The following SCN1A variants were observed in gnomAD, a reference collection of about 807,000 sequenced individuals.
The protein encoded by SCN1A is sodium channel protein type 1 subunit alpha.
In SCN1A, 13 loss-of-function variants were observed where a neutral mutation model predicts 193.7. The ratio of observed to expected loss-of-function variants is 0.07; its 90% CI spans 0.04 to 0.11. SCN1A has a LOEUF of 0.11. SCN1A is among the 10% of genes least tolerant of loss of function. The pLI, the probability that SCN1A is intolerant of heterozygous loss-of-function variation, is 1.00. For synonymous variants in SCN1A, 781 were observed against 843.6 expected (o/e 0.93, Z 1.29); for missense variants, 1,432 against 2,451.1 (o/e 0.58, Z 8.78).
chr2:166,043,598 G>T (rs1050489038), intron 14 of SCN1A, 71 bp downstream of exon 14: 1 of 1,510,448 alleles, frequency 6.6e-7, no homozygotes, highest in East Asian at 2.4e-5. Context: ...CAAGGTTGCC[G>T]TTCTGTAGAA....
chr2:166,137,102 T>A lies in SCN1A; in HGVS notation c.-50+11945A>T, dbSNP rs114666202. Reference sequence around the variant, plus strand: ...CCAGTGCTCCTGCTAGTAGCCCTTCTTCCAGGGCTCCAGCATTTGTTGGGC... The same window carrying A: ...CCAGTGCTCCTGCTAGTAGCCCTTCATCCAGGGCTCCAGCATTTGTTGGGC... On this transcript the variant is annotated intron_variant, in intron 1 of 26. Transcript: ENST00000635750. Among the ~76,000 whole-genome samples, 532 of 152,336 alleles carry A rather than the reference T, an allele frequency of 3.5e-3. 4 individuals carry two copies. The highest frequency in any genetic ancestry group is 0.012 in the African/African-American group (512 of 41,570).
chr2:166,117,377 A>G (rs1177575532), intron 2 of SCN1A, among the ~76,000 whole-genome samples: 1 of 152,218 alleles, frequency 6.6e-6, no homozygotes, highest in Non-Finnish European at 1.5e-5. Flanking sequence ...GGTATAGATT[A>G]AATAAAATTA....
At chr2:166,123,538 G>T (rs868365739) in intron 2 of SCN1A, 1 of 152,110 alleles carries the variant, frequency 6.6e-6, no homozygotes, top group Non-Finnish European at 1.5e-5. Context: ...CGTAGAACAA[G>T]GAGTTTGATC....
At chr2:166,098,517 G>A (rs975450189) in intron 2 of SCN1A, among the ~76,000 whole-genome samples, 2 of 152,052 alleles carry the variant, frequency 1.3e-5, no homozygotes, top group African/African-American at 4.8e-5. Flanking sequence ...CAACCAGGCA[G>A]GAGAAAGAAA....
chr2:166,112,367 C>T (rs35894186), intron 2 of SCN1A, among the ~76,000 whole-genome samples: 12,000 of 152,156 alleles, frequency 0.079, 550 homozygotes, highest in Middle Eastern at 0.21. Context: ...AGCAATAAAG[C>T]ATTTTTAAAT....
upstream of SCN1A, among the ~76,000 whole-genome samples, chr2:166,131,508 T>C (rs750211426): frequency 1.3e-5 from 2 of 152,090 alleles, no homozygotes; most frequent in African/African-American, 2.4e-5. Flanking sequence ...TCTCTGTCAA[T>C]AGATTTTGGG....
chr2:166,009,057 A>G (rs1692050468), intron 23 of SCN1A, among the ~76,000 whole-genome samples: 1 of 151,042 alleles, frequency 6.6e-6, no homozygotes. Flanking sequence ...GTTAATGTAT[A>G]AATTACCTAT....
At chr2:166,005,340 T>C (rs995316332) in intron 23 of SCN1A, among the ~76,000 whole-genome samples, 8 of 151,336 alleles carry the variant, frequency 5.3e-5, no homozygotes, top group African/African-American at 1.7e-4. Context: ...GAATATGGGA[T>C]GAGAATAATT....
At chr2:166,026,986 A>G (rs1470981143) in intron 19 of SCN1A, 2 of 152,162 alleles carry the variant, frequency 1.3e-5, no homozygotes, top group African/African-American at 4.8e-5. Context: ...TAAACCATGA[A>G]TCAACCTTAA....
chr2:166,069,609 C>T (rs1165255241), intron 4 of SCN1A, among the ~76,000 whole-genome samples: 1 of 152,156 alleles, frequency 6.6e-6, no homozygotes, highest in Non-Finnish European at 1.5e-5. Context: ...CTTGCATGTA[C>T]ACTACTGCAC....
intron 13 of SCN1A, 79 bp from the exon 14 acceptor site, chr2:166,044,128 TAGA>T (rs1255564839): frequency 3.4e-6 from 5 of 1,487,462 alleles, no homozygotes; most frequent in South Asian, 1.2e-5. Flanking sequence ...CAAGATTATG[TAGA>T]AGGAGATTTC....
chr2:166,108,062 C>T (rs1688884097), intron 2 of SCN1A, among the ~76,000 whole-genome samples: 1 of 151,916 alleles, frequency 6.6e-6, no homozygotes, highest in African/African-American at 2.4e-5. Context: ...GCGATTGTAT[C>T]TGGCATATAT....
upstream of SCN1A, among the ~76,000 whole-genome samples, chr2:166,132,378 GTTTTT>G (rs58736740): frequency 6.7e-6 from 1 of 149,534 alleles, no homozygotes; most frequent in Non-Finnish European, 1.5e-5. Context: ...TTTCCTAGTG[GTTTTT>G]TTTTTTCTTT....
chr2:166,063,146 T>C (rs1225470922), intron 4 of SCN1A, among the ~76,000 whole-genome samples: 1 of 152,118 alleles, frequency 6.6e-6, no homozygotes, highest in Non-Finnish European at 1.5e-5. Context: ...ACAAATGCTT[T>C]AATTGCAGTT....
rs980002081 is a variant in SCN1A, at chr2:165,986,691, C to T, written c.*4554G>A. 4.2e-5 allele frequency: 2 copies of T among 48,070 alleles called. No individual in the cohort carries two copies. The highest frequency in any genetic ancestry group is 1.5e-4 in the African/African-American group (2 of 13,062). The allele number at this position is 48,070 out of a possible 1,614,324, so 3.0% of individuals were successfully genotyped here. A position where few individuals can be genotyped will look rare whatever the true frequency, so the allele number is the denominator to read the frequency against. ...CGCAGACATAGGCACTTCAGTAACA[C>T]ACAGCAAAAAAAAAAAAAAAATCCT... On this transcript the variant is annotated 3_prime_UTR_variant, in exon 29 of 29. Transcript: ENST00000674923.
chr2:166,073,482 T>C lies in SCN1A; in HGVS notation c.140A>G (p.Asn47Ser), dbSNP rs1296134461. 7.4e-6 allele frequency: 12 copies of C among 1,614,088 alleles called. No individual in the cohort carries two copies. The African/African-American group carries it at 1.5e-4, about 20-fold the overall frequency. ...PKPDKKDDDE[N>S]GPKPNSDLEA... ...CAAGTCACTATTTGGCTTTGGGCCA[T>C]TTTCGTCGTCATCTTTTTTGTCTGG... The change falls in exon 4 of 29, where the codon AAT (asparagine) becomes AGT (serine). Residue 47 changes from asparagine (N) to serine (S), a missense_variant. Asn to Ser is a conservative substitution (Grantham distance 46). Around this residue, in one of 18 missense-constraint regions of SCN1A, gnomAD observed 55 missense variants for 58.4 expected, o/e 0.94. Coordinates refer to ENST00000674923, the MANE Select transcript of SCN1A (RefSeq NM_001165963.4).
rs1275218943 is a variant in SCN1A at position 166,116,979 on chromosome 2, A to G, written c.-142+9945T>C. Among the ~76,000 whole-genome samples the G allele has an allele frequency of 2.0e-5, 3 of 152,184 alleles. No homozygotes were observed. In the South Asian group the frequency reaches 6.2e-4, roughly 31 times the overall value. On this transcript the variant is annotated intron_variant, in intron 2 of 28. Coordinates refer to ENST00000674923, the MANE Select transcript of SCN1A (RefSeq NM_001165963.4). ...ATCTGTTAATATTACCACTAATCAC[A>G]TCAGAAACCCTGTAAGTTTTGAGAA...
rs748333147 is a variant in SCN1A, at chr2:165,992,171, C to T, written c.5104G>A (p.Asp1702Asn). The change falls in exon 29 of 29, where the codon GAT becomes AAT. Residue 1702 changes from aspartate to asparagine, a missense_variant. Around this residue, in one of 18 missense-constraint regions of SCN1A, gnomAD observed 85 missense variants for 213.2 expected, o/e 0.40. Coordinates refer to ENST00000674923, the MANE Select transcript of SCN1A (RefSeq NM_001165963.4). The surrounding 1 kb of genome is among the most constrained non-coding windows in gnomAD (Gnocchi z 6.5). ...AAGGTCTCAAAGTTGAACATGTCAT[C>T]GATCCCAACTTCCCTCTTAACATAG... Reference protein sequence around the residue: ...FAYVKREVGIDDMFNFETFGN... With the variant: ...FAYVKREVGINDMFNFETFGN... 1.5e-5 allele frequency: 25 copies of T among 1,613,684 alleles called. No homozygotes were observed. The highest frequency in any genetic ancestry group is 4.0e-5 in the African/African-American group (3 of 74,818).
intron 2 of SCN1A, among the ~76,000 whole-genome samples, chr2:166,084,738 G>C (rs184593579): frequency 1.7e-4 from 26 of 152,240 alleles, no homozygotes; most frequent in African/African-American, 5.8e-4. Context: ...AGGACTCATG[G>C]TTGTATGGCA....
Sources: allele counts gnomAD v4.1 joint callset (sites outside exome capture counted in the v4.1 genomes callset), GRCh38; gene constraint gnomAD v4.1.1; regional missense constraint gnomAD v4.1.1; non-coding constraint Gnocchi (gnomAD v3.1); transcripts MANE v1.5; gene names NCBI Gene and HGNC (gene_info 2026-07-23, HGNC 2026-07-21).